The following CNRIP1 variants were observed in gnomAD, a reference collection of about 807,000 sequenced individuals.
The protein encoded by CNRIP1 is CB1 cannabinoid receptor-interacting protein 1.
CNRIP1 carries 10 observed loss-of-function variants against 15.2 expected under a neutral mutation model. The ratio of observed to expected loss-of-function variants is 0.66; its 90% confidence interval spans 0.41 to 1.12. The LOEUF is 1.12. Among genes scored for constraint, CNRIP1 ranks in the 50% most tolerant of loss-of-function variants. CNRIP1 has a pLI of 0.00. For missense variants in CNRIP1, 211 were observed against 214.7 expected (o/e 0.98, Z 0.11); for synonymous variants, 91 against 83.2 (o/e 1.09, Z -0.51).
In CNRIP1 at chr2:68,317,672, C is replaced by G. The variant is rs946851762; in HGVS notation, c.180-365G>C. Among the ~76,000 whole-genome samples, 3 of 152,242 alleles carry G rather than the reference C, an allele frequency of 2.0e-5. No homozygotes were observed. In the East Asian group the frequency reaches 5.8e-4, roughly 29 times the overall value. ...AGGGGTCCTATGATTTGGAGTACCT[C>G]AAGCCTTCTACACCATCAGAAATTC... is the stretch of plus-strand genomic sequence containing the variant. On this transcript the variant is annotated intron_variant, in intron 1 of 2. Transcript: ENST00000263655.
At chr2:68,284,430 A>G in exon 3 of CNRIP1, 1 of 1,518,304 alleles carries the variant, frequency 6.6e-7, no homozygotes, top group South Asian at 1.3e-5. Flanking sequence ...GAATGTGCTT[A>G]TTCTTCACAT....
intron 2 of CNRIP1, among the ~76,000 whole-genome samples, chr2:68,305,823 A>T (rs1558666172): frequency 6.8e-6 from 1 of 147,004 alleles, no homozygotes; most frequent in African/African-American, 2.5e-5. Context: ...ACACACACAC[A>T]CCTGGCAGTA....
At chr2:68,314,210 G>A (rs1261744671) in intron 2 of CNRIP1, among the ~76,000 whole-genome samples, 2 of 151,598 alleles carry the variant, frequency 1.3e-5, no homozygotes, top group African/African-American at 4.9e-5. Flanking sequence ...TATGAAACCC[G>A]GGTTATCTAT....
downstream of CNRIP1, among the ~76,000 whole-genome samples, chr2:68,288,554 T>A (rs185216380): frequency 3.3e-5 from 5 of 152,350 alleles, no homozygotes; most frequent in Admixed American, 3.3e-4. Flanking sequence ...AATACCCTAC[T>A]TGTTAAGGAA....
chr2:68,316,776 A>G (rs1672287539), intron 2 of CNRIP1: 2 of 430,040 alleles, frequency 4.7e-6, no homozygotes, highest in Non-Finnish European at 8.3e-6. Flanking sequence ...TTTAAGTAGC[A>G]AAGTGTCATT....
intron 2 of CNRIP1, 128 bp from the exon 3 acceptor site, chr2:68,294,154 G>A: frequency 1.1e-6 from 1 of 911,846 alleles, no homozygotes; most frequent in Non-Finnish European, 1.6e-6. Flanking sequence ...GGTCTGCAAG[G>A]CTCGGAAGGC....
intron 2 of CNRIP1, among the ~76,000 whole-genome samples, chr2:68,305,869 C>T (rs1422379101): frequency 6.6e-6 from 1 of 150,966 alleles, no homozygotes; most frequent in Admixed American, 6.6e-5. Context: ...TAGCTCATGC[C>T]TGTCATCCCA....
At chr2:68,284,300 A>AT (rs1670974642) in exon 3 of CNRIP1, 6 of 563,978 alleles carry the variant, frequency 1.1e-5, no homozygotes, top group Non-Finnish European at 1.5e-5. Flanking sequence ...AGGAATCTAC[A>AT]TTTTAACAAG....
intron 2 of CNRIP1, among the ~76,000 whole-genome samples, chr2:68,297,193 C>T (rs536062118): frequency 6.6e-6 from 1 of 152,228 alleles, no homozygotes; most frequent in East Asian, 1.9e-4. Context: ...TATAAAGGAC[C>T]ATATGCATTA....
In CNRIP1 at chr2:68,317,412, G is replaced by C. The variant is rs578048954; in HGVS notation, c.180-105C>G. 1.6e-4 allele frequency: 196 copies of C among 1,237,360 alleles called. 4 individuals are homozygous for C. The South Asian group carries it at 2.3e-3, about 15-fold the overall frequency. 76.6% of individuals were successfully genotyped at this position (1,237,360 alleles called of 1,614,324 possible). On this transcript the variant is annotated intron_variant, in intron 1 of 2. Transcript: ENST00000263655. ...AGGAAACTTACAGGGTTTCACTAAG[G>C]GGGGCATTGTGGTGCGGGAGAAAGT...
At chr2:68,314,621 G>A (rs1438839756) in intron 2 of CNRIP1, among the ~76,000 whole-genome samples, 1 of 152,028 alleles carries the variant, frequency 6.6e-6, no homozygotes, top group Non-Finnish European at 1.5e-5. Flanking sequence ...TAGTAAGCAA[G>A]TTCAGTAAGG....
intron 2 of CNRIP1, among the ~76,000 whole-genome samples, chr2:68,305,319 T>G (rs1448643951): frequency 6.9e-6 from 1 of 144,826 alleles, no homozygotes; most frequent in South Asian, 2.1e-4. Context: ...TGTGTACATA[T>G]AAAACATATA....
chr2:68,317,422 T>C (rs1672317467), intron 1 of CNRIP1, 115 bp from the exon 2 acceptor site: 2 of 1,116,628 alleles, frequency 1.8e-6, no homozygotes, highest in Admixed American at 2.1e-5. Context: ...GGGGGCATTG[T>C]GGTGCGGGAG....
At chr2:68,310,310 A>G (rs1229600986) in intron 2 of CNRIP1, among the ~76,000 whole-genome samples, 1 of 152,206 alleles carries the variant, frequency 6.6e-6, no homozygotes, top group African/African-American at 2.4e-5. Context: ...CCTGGGCAAC[A>G]AAAGTGAAAC....
chr2:68,292,794 A>T (rs544363533), downstream of CNRIP1, among the ~76,000 whole-genome samples: 12 of 152,164 alleles, frequency 7.9e-5, no homozygotes, highest in South Asian at 2.5e-3. Context: ...GCATTTTTTG[A>T]TTGCCCGCCA....
chr2:68,295,173 G>A (rs1364226509), intron 2 of CNRIP1, among the ~76,000 whole-genome samples: 3 of 152,208 alleles, frequency 2.0e-5, no homozygotes, highest in African/African-American at 4.8e-5. Flanking sequence ...GCCAGAAGAC[G>A]TGGACAGAGG....
In CNRIP1 at chr2:68,305,607, A is replaced by G. The variant is rs146156215; in HGVS notation, c.330+11550T>C. Among the ~76,000 whole-genome samples the G allele has an allele frequency of 3.0e-3, 448 of 150,572 alleles. 18 individuals are homozygous for G. The East Asian group carries it at 0.072, about 24-fold the overall frequency. On this transcript the variant is annotated intron_variant, in intron 2 of 2. Transcript: ENST00000263655. ...TCAGGAGATTGAGACCATCCTGGCT[A>G]ACACGGTGAAACCCCGTCTCTACTA...
At chr2:68,304,609 A>G (rs1426067874) in intron 2 of CNRIP1, among the ~76,000 whole-genome samples, 1 of 140,364 alleles carries the variant, frequency 7.1e-6, no homozygotes, top group Admixed American at 7.5e-5. Context: ...TGGTTTGAGC[A>G]CTGGTCATCT....
At chr2:68,288,686 T>G (rs1671091252), downstream of CNRIP1, among the ~76,000 whole-genome samples, 1 of 152,220 alleles carries the variant, frequency 6.6e-6, no homozygotes, top group Non-Finnish European at 1.5e-5. Context: ...AACTGAATAC[T>G]TCTGTTTGTT....
Sources: gnomAD v4.1 joint callset for allele counts (sites outside exome capture counted in the v4.1 genomes callset) on GRCh38, gnomAD v4.1.1 for gene constraint, MANE v1.5 for transcripts, NCBI Gene and HGNC (gene_info 2026-07-23, HGNC 2026-07-21) for gene names.